The following CORIN variants were observed in gnomAD, a reference collection of about 807,000 sequenced individuals.
CORIN encodes the protein corin, serine peptidase, also known as atrial natriuretic peptide-converting enzyme.
CORIN carries 117 observed loss-of-function variants against 125.3 expected under a neutral mutation model. The observed-to-expected ratio is 0.93, with a 90% CI of 0.80 to 1.09. The LOEUF (loss-of-function observed/expected upper bound fraction) is 1.09, where lower values mean the gene tolerates loss of function less well. CORIN is among the 50% of genes least tolerant of loss of function. The pLI is 0.00. For missense variants in CORIN, 1,253 were observed against 1,306.7 expected, an observed-to-expected ratio of 0.96 and a Z score of 0.63; for synonymous variants, 450 against 466.4, an observed-to-expected ratio of 0.96 and a Z score of 0.45.
chr4:47,834,484 A>AG (rs553270881), intron 1 of CORIN, among the ~76,000 whole-genome samples: 179 of 152,322 alleles, frequency 1.2e-3, no homozygotes, highest in Non-Finnish European at 2.3e-3. Context: ...AAGGGTATAA[A>AG]GTTTCAGTAA....
intron 1 of CORIN, among the ~76,000 whole-genome samples, chr4:47,826,343 T>C (rs2109983148): frequency 3.3e-5 from 5 of 152,342 alleles, no homozygotes. Context: ...CTGTAACAAA[T>C]TACCATACAC....
At chr4:47,618,420 T>G (rs953322673) in intron 19 of CORIN, among the ~76,000 whole-genome samples, 1 of 151,492 alleles carries the variant, frequency 6.6e-6, no homozygotes, top group Non-Finnish European at 1.5e-5. Context: ...TTTGGAGGCC[T>G]GCCCAGTGTG....
At chr4:47,734,442 CCTTT>C (rs1166846493) in intron 5 of CORIN, among the ~76,000 whole-genome samples, 1 of 152,136 alleles carries the variant, frequency 6.6e-6, no homozygotes, top group Non-Finnish European at 1.5e-5. Context: ...TAAGTAGGAG[CCTTT>C]CTCTTTTAAA....
intron 19 of CORIN, among the ~76,000 whole-genome samples, chr4:47,606,632 TTTCCCTCCTTCCTTTC>T (rs910634550): frequency 2.8e-4 from 42 of 151,698 alleles, no homozygotes; most frequent in Admixed American, 9.9e-4. Context: ...TCCTACCTTC[TTTCCCTCCTTCCTTTC>T]TTCCCTCCTT....
At chr4:47,768,706 T>G (rs1423077807) in intron 3 of CORIN, among the ~76,000 whole-genome samples, 1 of 152,124 alleles carries the variant, frequency 6.6e-6, no homozygotes, top group African/African-American at 2.4e-5. Flanking sequence ...ATCACCTTAA[T>G]AGAATGAAAG....
intron 3 of CORIN, among the ~76,000 whole-genome samples, chr4:47,777,492 G>T (rs752897468): frequency 6.6e-6 from 1 of 152,088 alleles, no homozygotes; most frequent in Non-Finnish European, 1.5e-5. Context: ...TTAGCTAAGC[G>T]TGGTGGCACA....
intron 3 of CORIN, among the ~76,000 whole-genome samples, chr4:47,768,293 C>T (rs558360891): frequency 5.3e-5 from 8 of 152,282 alleles, no homozygotes; most frequent in African/African-American, 9.6e-5. Flanking sequence ...AAAGCCTGTT[C>T]GGTGGTCTCT....
intron 5 of CORIN, among the ~76,000 whole-genome samples, chr4:47,712,584 ACAT>A (rs1283992294): frequency 2.0e-5 from 3 of 152,184 alleles, no homozygotes; most frequent in African/African-American, 7.2e-5. Context: ...CACCCGGCTG[ACAT>A]CATTTATTTT....
intron 6 of CORIN, among the ~76,000 whole-genome samples, chr4:47,691,065 A>G (rs16860584): frequency 0.023 from 3,552 of 152,330 alleles, 140 homozygotes; most frequent in African/African-American, 0.08. Flanking sequence ...ATGCCTTGCA[A>G]AACAGTAACA....
At chr4:47,731,257 T>C (rs1295675493) in intron 5 of CORIN, among the ~76,000 whole-genome samples, 1 of 152,122 alleles carries the variant, frequency 6.6e-6, no homozygotes, top group Non-Finnish European at 1.5e-5. Flanking sequence ...GAAACTCAAA[T>C]AGAAACAAAT....
chr4:47,643,225 T>C lies in CORIN; in HGVS notation c.1989A>G (p.Ala663=), dbSNP rs1011254878. The C allele has an allele frequency of 1.2e-6, 2 of 1,610,734 alleles. No individual in the cohort carries two copies. Among genetic ancestry groups the C allele is most frequent in the African/African-American group, 2.7e-5 (2 of 74,838 alleles). Residue 663 remains alanine, a synonymous_variant, in exon 15 of 22, where the codon GCA becomes GCG. Transcript: ENST00000273857. ...GGTCACGTGACACACACGCATGGTT[T>C]GCACATTCCAGCTCATCATCTTGGC... ...SFCQDDELEC[A]NHACVSRDLW...
intron 3 of CORIN, among the ~76,000 whole-genome samples, chr4:47,765,319 A>C (rs1246354010): frequency 6.6e-6 from 1 of 152,106 alleles, no homozygotes. Context: ...CCCCAAAAAA[A>C]AAAAAAAAGA....
At chr4:47,738,705 G>C (rs1301765367) in intron 5 of CORIN, among the ~76,000 whole-genome samples, 1 of 152,090 alleles carries the variant, frequency 6.6e-6, no homozygotes, top group East Asian at 1.9e-4. Context: ...GGAAAAAACA[G>C]TCAACAAAAA....
intron 1 of CORIN, among the ~76,000 whole-genome samples, chr4:47,821,738 T>C (rs1192725298): frequency 6.6e-6 from 1 of 152,176 alleles, no homozygotes. Flanking sequence ...TTATCTGTAC[T>C]TTGAGACAAA....
chr4:47,762,035 T>C (rs1729485463), intron 4 of CORIN, among the ~76,000 whole-genome samples: 1 of 152,066 alleles, frequency 6.6e-6, no homozygotes. Context: ...TTAATGTATA[T>C]ATACACATGT....
At chr4:47,824,592 G>A (rs1470422869) in intron 1 of CORIN, among the ~76,000 whole-genome samples, 1 of 152,144 alleles carries the variant, frequency 6.6e-6, no homozygotes, top group Non-Finnish European at 1.5e-5. Context: ...AAAGTGCTGG[G>A]ATTACAGCCA....
intron 1 of CORIN, among the ~76,000 whole-genome samples, chr4:47,835,017 A>C (rs540624058): frequency 6.6e-4 from 101 of 152,300 alleles, no homozygotes; most frequent in African/African-American, 2.4e-3. Context: ...TACTCTTCCC[A>C]CCAAGGCAGG....
chr4:47,666,551 T>C (rs1724492436), intron 10 of CORIN, among the ~76,000 whole-genome samples: 1 of 152,202 alleles, frequency 6.6e-6, no homozygotes, highest in South Asian at 2.1e-4. Flanking sequence ...TGTATCTCCA[T>C]TCATACGCTG....
intron 19 of CORIN, among the ~76,000 whole-genome samples, chr4:47,622,005 C>CG (rs35710893): frequency 0.24 from 26,187 of 107,580 alleles, 3,383 homozygotes; most frequent in Admixed American, 0.33. Context: ...CCCCCTCCCC[C>CG]CACCCCACAA....
Sources: gnomAD v4.1 joint callset for allele counts (sites outside exome capture counted in the v4.1 genomes callset) on GRCh38, gnomAD v4.1.1 for gene constraint, MANE v1.5 for transcripts, NCBI Gene and HGNC (gene_info 2026-07-23, HGNC 2026-07-21) for gene names.